The following ASTN2 variants were observed in gnomAD, a reference collection of about 807,000 sequenced individuals.
The protein encoded by ASTN2 is astrotactin-2.
In ASTN2, 54 loss-of-function variants were observed where a neutral mutation model predicts 139.8. The ratio of observed to expected loss-of-function variants is 0.39; its 90% CI spans 0.31 to 0.48. The LOEUF (loss-of-function observed/expected upper bound fraction) is 0.48, where lower values mean the gene tolerates loss of function less well. ASTN2 is among the 20% of genes least tolerant of loss of function. The probability of loss-of-function intolerance (pLI) is 0.95; values close to 1 mark genes in which losing one functional copy is unlikely to be tolerated. For missense variants in ASTN2, 1,565 were observed against 1,725.1 expected, an observed-to-expected ratio of 0.91 and a Z score of 1.64; for synonymous variants, 756 against 719.5, an observed-to-expected ratio of 1.05 and a Z score of -0.81.
chr9:116,704,732 G>A (rs1827946233), intron 16 of ASTN2, among the ~76,000 whole-genome samples: 1 of 152,164 alleles, frequency 6.6e-6, no homozygotes, highest in Non-Finnish European at 1.5e-5. Context: ...GATTGCTGGA[G>A]GGGCAGAAGC....
chr9:117,226,592 GGTTT>G lies in ASTN2; in HGVS notation c.631-11854_631-11851del, dbSNP rs199945152. Among the ~76,000 whole-genome samples, 387 of 148,988 alleles carry G rather than the reference GGTTT, an allele frequency of 2.6e-3. 7 individuals are homozygous for G. The East Asian group carries it at 0.049, about 19-fold the overall frequency. On this transcript the variant is annotated intron_variant, in intron 2 of 22. Transcript: ENST00000313400. The stretch of plus-strand genomic sequence containing the variant: ...AAAGCTCACAGGTCCTCATAAAGCG[GGTTT>G]GTTTGTTTGTTTGTTTGTTTTTTTA...
intron 19 of ASTN2, among the ~76,000 whole-genome samples, chr9:116,566,606 G>T (rs1462425968): frequency 2.0e-5 from 3 of 152,162 alleles, no homozygotes; most frequent in Non-Finnish European, 4.4e-5. Flanking sequence ...ACCTGCAGCG[G>T]AATTGATTCA....
chr9:116,425,395 C>T lies in ASTN2; in HGVS notation c.*456G>A. ...CTCACTGCAACCATCCTCAGAGCTT[C>T]CTTCCTGGTGCTGAAGAGGTCAAAA... On this transcript the variant is annotated 3_prime_UTR_variant, in exon 23 of 23. Coordinates refer to ENST00000313400, the MANE Select transcript of ASTN2 (RefSeq NM_001365068.1). 1.6e-6 allele frequency: 1 copy of T among 643,660 alleles called. No individual in the cohort carries two copies. The allele number at this position is 643,660 out of a possible 1,614,324, so 39.9% of individuals were successfully genotyped here.
intron 17 of ASTN2, among the ~76,000 whole-genome samples, chr9:116,650,327 A>C (rs1857837321): frequency 6.6e-6 from 1 of 152,190 alleles, no homozygotes; most frequent in Non-Finnish European, 1.5e-5. Context: ...CAAACCAGTG[A>C]ATCAATAATT....
chr9:116,944,107 G>A (rs1300545470), intron 10 of ASTN2, among the ~76,000 whole-genome samples: 2 of 151,522 alleles, frequency 1.3e-5, no homozygotes, highest in Non-Finnish European at 2.9e-5. Context: ...CTACCTTATG[G>A]GGAAGTACTA....
intron 4 of ASTN2, among the ~76,000 whole-genome samples, chr9:117,123,366 A>C (rs1261046063): frequency 6.6e-6 from 1 of 152,028 alleles, no homozygotes; most frequent in Non-Finnish European, 1.5e-5. Flanking sequence ...TTGGGGTTCA[A>C]TTAATCTGGT....
Position 116,651,548 on chromosome 9 carries a change from G to C in ASTN2, c.3052C>G (p.Gln1018Glu). The change falls in exon 17 of 23, where the codon CAA becomes GAA. Residue 1018 changes from glutamine (Q) to glutamate (E), a missense_variant. By Grantham distance (29) the Gln-to-Glu change is conservative. Coordinates refer to ENST00000313400, the MANE Select transcript of ASTN2 (RefSeq NM_001365068.1). ...CTCACCTCCTTTGTGCCATTGTCTT[G>C]GATGAGGGTATAAAGTGGCACCACA... The part of the protein sequence containing the change: ...NRVVPLYTLI[Q>E]DNGTKEAFKS... 1 of 1,614,046 alleles carries C rather than the reference G, an allele frequency of 6.2e-7. No individual in the cohort carries two copies.
intron 11 of ASTN2, among the ~76,000 whole-genome samples, chr9:116,831,327 G>C (rs1831808881): frequency 2.0e-5 from 3 of 152,092 alleles, no homozygotes; most frequent in Admixed American, 2.0e-4. Context: ...GCATGAAAGA[G>C]ACCTGCTTAT....
At chr9:117,033,195 C>T (rs113658073) in intron 6 of ASTN2, among the ~76,000 whole-genome samples, 2 of 152,188 alleles carry the variant, frequency 1.3e-5, no homozygotes, top group African/African-American at 4.8e-5. Flanking sequence ...TAATATGGCT[C>T]CAAAACAAAA....
At chr9:116,738,772 G>C (rs649321) in intron 13 of ASTN2, among the ~76,000 whole-genome samples, 1 of 152,212 alleles carries the variant, frequency 6.6e-6, no homozygotes, top group African/African-American at 2.4e-5. Context: ...CAGTGGCCAA[G>C]ACCGCATTCT....
Position 116,698,406 on chromosome 9 carries a change from G to C in ASTN2, c.2806+27365C>G, listed in dbSNP as rs1322626734. 1 of 1,614,054 alleles carries C rather than the reference G, an allele frequency of 6.2e-7. No homozygotes were observed. ...TGAGAAGTCCAATAGTCAAGTGGTA[G>C]AGGAGCAGAGTTACCTGCTTAACAT... On this transcript the variant is annotated intron_variant, in intron 16 of 22. Coordinates refer to ENST00000313400, the MANE Select transcript of ASTN2 (RefSeq NM_001365068.1). The surrounding 1 kb of genome is among the most constrained non-coding windows in gnomAD (Gnocchi z 4.4).
At chr9:117,316,040 T>C (rs1436920279) in intron 1 of ASTN2, among the ~76,000 whole-genome samples, 1 of 152,214 alleles carries the variant, frequency 6.6e-6, no homozygotes, top group Non-Finnish European at 1.5e-5. Flanking sequence ...TAGATACTCA[T>C]ATTAAGCCCA....
At chr9:117,228,612 A>G (rs1414789778) in intron 2 of ASTN2, among the ~76,000 whole-genome samples, 1 of 152,108 alleles carries the variant, frequency 6.6e-6, no homozygotes, top group Admixed American at 6.5e-5. Context: ...CATGATAGGA[A>G]CAGGAATTAA....
chr9:117,369,967 A>T (rs1829945836), intron 1 of ASTN2, among the ~76,000 whole-genome samples: 1 of 152,044 alleles, frequency 6.6e-6, no homozygotes, highest in Non-Finnish European at 1.5e-5. Flanking sequence ...AAAAAAATTC[A>T]TATTTGTCAT....
At chr9:116,804,758 C>A (rs1232802657) in intron 13 of ASTN2, among the ~76,000 whole-genome samples, 2 of 151,898 alleles carry the variant, frequency 1.3e-5, no homozygotes. Context: ...TTGATATGAC[C>A]TCAAATGATT....
At chr9:116,686,267 G>A (rs1401576458) in intron 16 of ASTN2, among the ~76,000 whole-genome samples, 1 of 152,162 alleles carries the variant, frequency 6.6e-6, no homozygotes, top group East Asian at 1.9e-4. Flanking sequence ...TTACACAACA[G>A]GTGTAGGTTA....
chr9:116,565,387 C>CTCTCTCTCTCTCTCT lies in ASTN2; in HGVS notation c.3355+52936_3355+52937insAGAGAGAGAGAGAGA, dbSNP rs1491583433. Among the ~76,000 whole-genome samples the CTCTCTCTCTCTCTCT allele has an allele frequency of 1.2e-3, 49 of 42,066 alleles. 3 individuals are homozygous for CTCTCTCTCTCTCTCT. Among genetic ancestry groups the CTCTCTCTCTCTCTCT allele is most frequent in the South Asian group, 2.1e-3 (2 of 952 alleles). 27.6% of individuals were successfully genotyped at this position (42,066 alleles called of 152,430 possible). A position where few individuals can be genotyped will look rare whatever the true frequency, so the allele number is the denominator to read the frequency against. On this transcript the variant is annotated intron_variant, in intron 19 of 22. Coordinates refer to ENST00000313400, the MANE Select transcript of ASTN2 (RefSeq NM_001365068.1). The stretch of plus-strand genomic sequence containing the variant: ...TCTCTCTCTCTCTCTCTCTCTCTCT[C>CTCTCTCTCTCTCTCT]CATATATATATATATATATATATAT...
At chr9:117,315,678 G>A (rs1231144586) in intron 1 of ASTN2, among the ~76,000 whole-genome samples, 2 of 152,158 alleles carry the variant, frequency 1.3e-5, no homozygotes, top group African/African-American at 4.8e-5. Flanking sequence ...CCCATGAGCA[G>A]AACTTTTCAT....
rs1392574139 is a variant in ASTN2 at position 117,210,515 on chromosome 9, G to A, written c.1015+3843C>T. On this transcript the variant is annotated intron_variant, in intron 3 of 22. Coordinates refer to ENST00000313400, the MANE Select transcript of ASTN2 (RefSeq NM_001365068.1). The stretch of plus-strand genomic sequence containing the variant: ...CAACAAAATTGAACCACAAAGAAAT[G>A]GAAAACCTTAACAGACCAAAACAAG... Among the ~76,000 whole-genome samples the A allele has an allele frequency of 2.6e-5, 4 of 151,964 alleles. No homozygotes were observed. In the East Asian group the frequency reaches 7.7e-4, roughly 29 times the overall value.
Sources: allele counts gnomAD v4.1 joint callset (sites outside exome capture counted in the v4.1 genomes callset), GRCh38; gene constraint gnomAD v4.1.1; non-coding constraint Gnocchi (gnomAD v3.1); transcripts MANE v1.5; gene names NCBI Gene and HGNC (gene_info 2026-07-23, HGNC 2026-07-21).